ADRA1D: variants seen among roughly 807,000 people sequenced by gnomAD.
ADRA1D encodes alpha-1D adrenergic receptor.
ADRA1D carries 22 observed loss-of-function variants against 18.6 expected under a neutral mutation model. That is an observed-to-expected ratio of 1.19 (90% confidence interval 0.85 to 1.69). ADRA1D has a LOEUF of 1.69. Among genes scored for constraint, ADRA1D ranks in the 40% most tolerant of loss-of-function variants. The probability of loss-of-function intolerance (pLI) is 0.00; values close to 1 mark genes in which losing one functional copy is unlikely to be tolerated. For missense variants in ADRA1D, 840 were observed against 840.7 expected (o/e 1.00, Z 0.01); for synonymous variants, 376 against 388.2 (o/e 0.97, Z 0.37).
chr20:4,241,143 A>T (rs1981202729), intron 1 of ADRA1D, among the ~76,000 whole-genome samples: 1 of 152,196 alleles, frequency 6.6e-6, no homozygotes, highest in Non-Finnish European at 1.5e-5. Context: ...GAAATAAGCC[A>T]GTCACAGAAG....
At chr20:4,227,737 TC>T (rs1980849818) in intron 1 of ADRA1D, among the ~76,000 whole-genome samples, 2 of 132,520 alleles carry the variant, frequency 1.5e-5, no homozygotes, top group Non-Finnish European at 3.2e-5. Context: ...CTTCCTTCCT[TC>T]CTTCCTTCCT....
rs144082724 is a variant in ADRA1D at position 4,227,691 on chromosome 20, C to T, written c.1112-5561G>A. ...CCTTCCTTCCTTCCTTCCCTCTCTC[C>T]CTCCCTCCCTCCCTCCTTCCTTCCT... On this transcript the variant is annotated intron_variant, in intron 1 of 1. Coordinates refer to ENST00000379453, the MANE Select transcript of ADRA1D (RefSeq NM_000678.4). Among the ~76,000 whole-genome samples, 321 of 48,362 alleles carry T rather than the reference C, an allele frequency of 6.6e-3. 2 individuals carry two copies. The East Asian group carries it at 0.081, about 12-fold the overall frequency. 31.7% of individuals were successfully genotyped at this position (48,362 alleles called of 152,430 possible). A position where few individuals can be genotyped will look rare whatever the true frequency, so the allele number is the denominator to read the frequency against.
At chr20:4,231,064 TTCTCTCTC>T (rs1168769579) in intron 1 of ADRA1D, among the ~76,000 whole-genome samples, 2 of 97,924 alleles carry the variant, frequency 2.0e-5, no homozygotes, top group African/African-American at 9.4e-5. Flanking sequence ...CTTTCTTTCT[TTCTCTCTC>T]TCTCTCTCTC....
intron 1 of ADRA1D, among the ~76,000 whole-genome samples, chr20:4,244,184 G>A (rs73580755): frequency 0.017 from 2,548 of 152,306 alleles, 63 homozygotes; most frequent in African/African-American, 0.058. Context: ...CTTTGTGTGC[G>A]GAAGTGTGAG....
intron 1 of ADRA1D, among the ~76,000 whole-genome samples, chr20:4,226,634 CAT>C (rs1980806917): frequency 3.3e-5 from 5 of 152,316 alleles, no homozygotes; most frequent in Admixed American, 2.6e-4. Context: ...CTTTCTGCCA[CAT>C]GAGTGTGCAG....
In ADRA1D at chr20:4,239,344, G is replaced by A. The variant is rs569535403; in HGVS notation, c.1111+8503C>T. Among the ~76,000 whole-genome samples the A allele has an allele frequency of 6.6e-6, 1 of 152,334 alleles. No homozygotes were observed. The highest frequency in any genetic ancestry group is 2.4e-5 in the African/African-American group (1 of 41,572). ...AGCTGGGCAGAGGACAAGATCTTCA[G>A]GGGAGGGGAAGGAGGAATATATGTC... On this transcript the variant is annotated intron_variant, in intron 1 of 1. Coordinates refer to ENST00000379453, the MANE Select transcript of ADRA1D (RefSeq NM_000678.4). The surrounding 1 kb of genome is among the most constrained non-coding windows in gnomAD (Gnocchi z 4.9).
chr20:4,227,578 G>A (rs933750401), intron 1 of ADRA1D, among the ~76,000 whole-genome samples: 1 of 151,814 alleles, frequency 6.6e-6, no homozygotes, highest in African/African-American at 2.4e-5. Context: ...AAGTCCCCTC[G>A]ACTTTCTTTG....
intron 1 of ADRA1D, among the ~76,000 whole-genome samples, chr20:4,234,909 C>T (rs1220864601): frequency 1.3e-5 from 2 of 152,110 alleles, no homozygotes; most frequent in Non-Finnish European, 2.9e-5. Flanking sequence ...GAAGTTAGGA[C>T]CGCCAAAGTG....
At chr20:4,229,133 T>C (rs1226912732) in intron 1 of ADRA1D, among the ~76,000 whole-genome samples, 1 of 152,212 alleles carries the variant, frequency 6.6e-6, no homozygotes. Context: ...GAGCGCCTCA[T>C]TTAGTCTTGC....
chr20:4,247,369 G>C (rs1981357988), intron 1 of ADRA1D, among the ~76,000 whole-genome samples: 1 of 152,170 alleles, frequency 6.6e-6, no homozygotes, highest in South Asian at 2.1e-4. Context: ...CTTCCAAACT[G>C]AATGAGTGCT....
chr20:4,238,673 G>A (rs1981150852), intron 1 of ADRA1D, among the ~76,000 whole-genome samples: 2 of 152,192 alleles, frequency 1.3e-5, no homozygotes, highest in Admixed American at 1.3e-4. Context: ...ACCCTGGTTT[G>A]CACTAGCTTG....
At chr20:4,241,572 A>G (rs6133099) in intron 1 of ADRA1D, among the ~76,000 whole-genome samples, 45,698 of 152,000 alleles carry the variant, frequency 0.3, 6,977 homozygotes, top group East Asian at 0.41. Context: ...CTGAGCACCT[A>G]TTATGTTCCA....
At chr20:4,226,368 A>G (rs940101530) in intron 1 of ADRA1D, among the ~76,000 whole-genome samples, 1 of 152,262 alleles carries the variant, frequency 6.6e-6, no homozygotes, top group African/African-American at 2.4e-5. Flanking sequence ...GAGTAGAAAT[A>G]CAAGTTTTTA....
Position 4,249,085 on chromosome 20 carries a change from A to T in ADRA1D, c.-128T>A. 1 of 767,684 alleles carries T rather than the reference A, an allele frequency of 1.3e-6. No homozygotes were observed. Among genetic ancestry groups the T allele is most frequent in the Non-Finnish European group, 1.6e-6 (1 of 612,714 alleles). 47.6% of individuals were successfully genotyped at this position (767,684 alleles called of 1,614,324 possible). ...CACGGGTCCCGTCGGGGTCCTGCCC[A>T]AGTTCCTGTGACGCGGAGCGCGGCT... On this transcript the variant is annotated 5_prime_UTR_variant, in exon 1 of 2. Transcript: ENST00000379453.
In ADRA1D at chr20:4,221,756, C is replaced by T; in HGVS notation, c.1486G>A (p.Glu496Lys). The T allele has an allele frequency of 1.9e-6, 3 of 1,599,264 alleles. No homozygotes were observed. Among genetic ancestry groups the T allele is most frequent in the Non-Finnish European group, 2.6e-6 (3 of 1,175,944 alleles). Residue 496 changes from glutamate (E) to lysine (K), a missense_variant, in exon 2 of 2, where the codon GAG (glutamate) becomes AAG (lysine). Glu to Lys is a moderately conservative substitution (Grantham distance 56). Coordinates refer to ENST00000379453, the MANE Select transcript of ADRA1D (RefSeq NM_000678.4). ...CGGAACGGCCCCAGCAGCCTCCACT[C>T]GCGGAAGGCGCTGGGTGGCTTTCGA... ...SRRKPPSAFR[E>K]WRLLGPFRRP...
At chr20:4,244,164 T>C (rs2122677342) in intron 1 of ADRA1D, among the ~76,000 whole-genome samples, 1 of 152,324 alleles carries the variant, frequency 6.6e-6, no homozygotes, top group East Asian at 1.9e-4. Flanking sequence ...TGGCTGCTGC[T>C]ACCACCTGGC....
chr20:4,246,650 A>T (rs1029565270), intron 1 of ADRA1D, among the ~76,000 whole-genome samples: 1 of 152,222 alleles, frequency 6.6e-6, no homozygotes, highest in Admixed American at 6.5e-5. Flanking sequence ...CCCCAGTTCC[A>T]GCCTGTGGTC....
At chr20:4,235,831 G>T (rs1791287416) in intron 1 of ADRA1D, among the ~76,000 whole-genome samples, 1 of 152,232 alleles carries the variant, frequency 6.6e-6, no homozygotes, top group Non-Finnish European at 1.5e-5. Context: ...AGGGTGCACG[G>T]TGGGGCTGGG....
chr20:4,242,774 T>C (rs1163312669), intron 1 of ADRA1D, among the ~76,000 whole-genome samples: 1 of 152,102 alleles, frequency 6.6e-6, no homozygotes, highest in East Asian at 1.9e-4. Flanking sequence ...TCAGTGATGC[T>C]CGGTGATCTG....
Sources: allele counts gnomAD v4.1 joint callset (sites outside exome capture counted in the v4.1 genomes callset), GRCh38; gene constraint gnomAD v4.1.1; non-coding constraint Gnocchi (gnomAD v3.1); transcripts MANE v1.5; gene names NCBI Gene and HGNC (gene_info 2026-07-23, HGNC 2026-07-21).